Variants in STS observed in about 807,000 individuals in gnomAD.
STS encodes steroid sulfatase, also known as steryl-sulfatase.
A neutral mutation model predicts 26.8 loss-of-function variants in STS; 7 were observed. The ratio of observed to expected loss-of-function variants is 0.26; its 90% CI spans 0.15 to 0.49. The LOEUF is 0.49. Ranked by LOEUF, STS falls within the 20% of genes least tolerant of loss-of-function variation. STS has a pLI of 0.98. For synonymous variants in STS, 199 were observed against 189.4 expected (o/e 1.05, Z -0.42); for missense variants, 434 against 465.6 (o/e 0.93, Z 0.63).
Position 7,167,421 on chromosome X carries a change from G to T in STS, c.-134+19338G>T, listed in dbSNP as rs188688160. On this transcript the variant is annotated intron_variant, in intron 1 of 10. Coordinates refer to ENST00000674429, the MANE Select transcript of STS (RefSeq NM_001320752.2). ...AGTAGAGATGAGGTTTCGCCATGTT[G>T]GTCAGGCTGGTCTCGAACTCCTGAC... is the stretch of plus-strand genomic sequence containing the variant. 1.8e-3 allele frequency among the ~76,000 whole-genome samples: 194 copies of T among 110,830 alleles called. 1 individual carries two copies. The highest frequency in any genetic ancestry group is 6.3e-3 in the African/African-American group (192 of 30,512).
At chrX:7,331,107 A>G (rs1335873454) in intron 9 of STS, among the ~76,000 whole-genome samples, 1 of 111,058 alleles carries the variant, frequency 9.0e-6, no homozygotes, top group African/African-American at 3.3e-5. Context: ...TTGGCCAGGC[A>G]AAGGGCGCGT....
chrX:7,169,917 G>A (rs1296700208), intron 1 of STS, among the ~76,000 whole-genome samples: 4 of 109,547 alleles, frequency 3.7e-5, no homozygotes, highest in African/African-American at 1.3e-4. Context: ...GGGTGGGTGC[G>A]GTTCCCAGAA....
chrX:7,242,716 T>C (rs1360713296), intron 2 of STS, among the ~76,000 whole-genome samples: 1 of 112,497 alleles, frequency 8.9e-6, no homozygotes, highest in Non-Finnish European at 1.9e-5. Context: ...ACTAACAGGC[T>C]AAATATATAG....
At chrX:7,204,437 T>C (rs1463421382) in intron 2 of STS, among the ~76,000 whole-genome samples, 1 of 111,193 alleles carries the variant, frequency 9.0e-6, no homozygotes, top group Non-Finnish European at 1.9e-5. Context: ...TTAAAAAATA[T>C]TAGATGTTGA....
chrX:7,171,302 A>G (rs1368688510), intron 1 of STS, among the ~76,000 whole-genome samples: 4 of 111,132 alleles, frequency 3.6e-5, no homozygotes, highest in African/African-American at 1.3e-4. Context: ...AATAGGATCT[A>G]TGAGGACTCA....
At chrX:7,230,067 T>C (rs1921992282) in intron 2 of STS, among the ~76,000 whole-genome samples, 2 of 110,005 alleles carry the variant, frequency 1.8e-5, no homozygotes, top group African/African-American at 6.6e-5. Flanking sequence ...ATTTATTTAT[T>C]TGTAGAGATG....
intron 1 of STS, among the ~76,000 whole-genome samples, chrX:7,186,771 G>A (rs778835431): frequency 3.7e-4 from 42 of 112,083 alleles, no homozygotes; most frequent in African/African-American, 1.3e-3. Flanking sequence ...AATATTTCCG[G>A]GAATAAACTG....
intron 5 of STS, among the ~76,000 whole-genome samples, chrX:7,258,140 A>AGATG (rs1203121889): frequency 3.2e-5 from 3 of 94,124 alleles, no homozygotes; most frequent in African/African-American, 7.5e-5. Context: ...ATAGATAGAT[A>AGATG]GATAGATGCA....
In STS at chrX:7,288,639, CGTGTGTGTGT is replaced by C. The variant is rs58375124; in HGVS notation, c.943+12587_943+12596del. ...TTTCATCTGTGGAGGAAATTCTGTA[CGTGTGTGTGT>C]GTGTGTGTGTGTGTGTGTGTGTGTG... On this transcript the variant is annotated intron_variant, in intron 7 of 10. Transcript: ENST00000674429. Among the ~76,000 whole-genome samples the C allele has an allele frequency of 4.6e-3, 408 of 89,498 alleles. 3 individuals are homozygous for C. Among genetic ancestry groups the C allele is most frequent in the African/African-American group, 0.012 (302 of 25,140 alleles). 77.7% of individuals were successfully genotyped at this position (89,498 alleles called of 115,157 possible). A position where few individuals can be genotyped will look rare whatever the true frequency, so the allele number is the denominator to read the frequency against.
chrX:7,341,418 C>G (rs778940710), intron 10 of STS, among the ~76,000 whole-genome samples: 4 of 111,500 alleles, frequency 3.6e-5, no homozygotes. Flanking sequence ...CTCGTCCTCT[C>G]AGCTGCCCTC....
At chrX:7,328,233 G>T (rs1273370938) in intron 9 of STS, among the ~76,000 whole-genome samples, 1 of 111,822 alleles carries the variant, frequency 8.9e-6, no homozygotes, top group Non-Finnish European at 1.9e-5. Flanking sequence ...AACCATCACT[G>T]CTCTTCACTT....
chrX:7,202,127 G>A (rs2147026990), intron 2 of STS, among the ~76,000 whole-genome samples: 1 of 111,483 alleles, frequency 9.0e-6, no homozygotes, highest in South Asian at 3.8e-4. Context: ...AATATATTTA[G>A]TATCAAGATA....
At chrX:7,319,951 ATATT>A (rs1311723900) in intron 8 of STS, among the ~76,000 whole-genome samples, 5 of 94,086 alleles carry the variant, frequency 5.3e-5, no homozygotes, top group South Asian at 4.3e-4. Context: ...TTTTATATGT[ATATT>A]TATATATATA....
rs773476049 is a variant in STS at position 7,328,670 on chromosome X, C to T, written c.1241+3172C>T. On this transcript the variant is annotated intron_variant, in intron 9 of 10. Transcript: ENST00000674429. The stretch of plus-strand genomic sequence containing the variant: ...CACCTCCCAGGCTCAAGCGATTCTC[C>T]TGCCTTAGCCTCCTGAGTAGCTGGG... Among the ~76,000 whole-genome samples the T allele has an allele frequency of 3.7e-5, 4 of 109,291 alleles. No homozygotes were observed. In the South Asian group the frequency reaches 1.6e-3, roughly 45 times the overall value. The allele number at this position is 109,291 out of a possible 115,157, so 94.9% of individuals were successfully genotyped here.
intron 1 of STS, among the ~76,000 whole-genome samples, chrX:7,175,087 A>G (rs1381084009): frequency 9.3e-6 from 1 of 108,081 alleles, no homozygotes; most frequent in Non-Finnish European, 1.9e-5. Flanking sequence ...ATCCATGGAG[A>G]CAGTGTTCAT....
intron 2 of STS, among the ~76,000 whole-genome samples, chrX:7,210,288 T>C (rs1920992573): frequency 9.0e-6 from 1 of 111,093 alleles, no homozygotes; most frequent in African/African-American, 3.3e-5. Context: ...CAGCATCTGT[T>C]GTTTCCTGAC....
At chrX:7,164,052 G>A (rs1933301342) in intron 1 of STS, among the ~76,000 whole-genome samples, 1 of 111,270 alleles carries the variant, frequency 9.0e-6, no homozygotes, top group Admixed American at 9.6e-5. Flanking sequence ...TTAAACTCCT[G>A]ACCTCAGGTG....
chrX:7,287,740 C>T (rs749653735), intron 7 of STS, among the ~76,000 whole-genome samples: 98 of 108,935 alleles, frequency 9.0e-4, no homozygotes, highest in African/African-American at 3.1e-3. Context: ...TTCTGTAAAG[C>T]TGTGTGAACT....
At chrX:7,283,363 A>G (rs1198109269) in intron 7 of STS, among the ~76,000 whole-genome samples, 2 of 112,086 alleles carry the variant, frequency 1.8e-5, no homozygotes, top group African/African-American at 6.5e-5. Context: ...GAGCATTTCA[A>G]CGGATAATGA....
Sources: gnomAD v4.1 joint callset for allele counts (sites outside exome capture counted in the v4.1 genomes callset) on GRCh38, gnomAD v4.1.1 for gene constraint, MANE v1.5 for transcripts, NCBI Gene and HGNC (gene_info 2026-07-23, HGNC 2026-07-21) for gene names.